The following FTO variants were observed in gnomAD, a reference collection of about 807,000 sequenced individuals.
FTO encodes the protein alpha-ketoglutarate-dependent dioxygenase FTO.
A neutral mutation model predicts 63.9 loss-of-function variants in FTO; 47 were observed. The ratio of observed to expected loss-of-function variants is 0.74; its 90% confidence interval spans 0.58 to 0.94. The LOEUF is 0.94. Among genes scored for constraint, FTO ranks in the 40% least tolerant of loss-of-function variants. FTO has a pLI of 0.00. For missense variants in FTO, 562 were observed against 618.1 expected, an observed-to-expected ratio of 0.91 and a Z score of 0.96; for synonymous variants, 207 against 224.4, an observed-to-expected ratio of 0.92 and a Z score of 0.69.
intron 8 of FTO, among the ~76,000 whole-genome samples, chr16:54,076,004 A>T (rs1324877691): frequency 6.6e-6 from 1 of 152,174 alleles, no homozygotes; most frequent in African/African-American, 2.4e-5. Context: ...CCCCTAGCTC[A>T]GGTGGCTAGC....
intron 8 of FTO, chr16:54,054,709 A>G (rs2085389987): frequency 6.6e-6 from 1 of 152,180 alleles, no homozygotes; most frequent in African/African-American, 2.4e-5. Flanking sequence ...GCCTGAATTA[A>G]GTCTCTGGAA....
At chr16:53,917,822 T>C (rs1265885186) in intron 7 of FTO, among the ~76,000 whole-genome samples, 1 of 152,000 alleles carries the variant, frequency 6.6e-6, no homozygotes, top group East Asian at 1.9e-4. Context: ...GAAGACTCTG[T>C]AGACAGTGGC....
chr16:53,879,156 A>G (rs2080752828), intron 5 of FTO, among the ~76,000 whole-genome samples: 1 of 152,220 alleles, frequency 6.6e-6, no homozygotes, highest in East Asian at 1.9e-4. Context: ...TCATCCAATA[A>G]TTATTTATTA....
intron 8 of FTO, among the ~76,000 whole-genome samples, chr16:54,000,134 C>A (rs900642365): frequency 1.3e-5 from 2 of 152,188 alleles, no homozygotes; most frequent in African/African-American, 2.4e-5. Flanking sequence ...GCCTCTACAG[C>A]TGATTTTTTA....
At chr16:53,931,867 A>G (rs1374287375) in intron 7 of FTO, among the ~76,000 whole-genome samples, 3 of 119,758 alleles carry the variant, frequency 2.5e-5, no homozygotes, top group Non-Finnish European at 5.1e-5. Context: ...CAGTTTTTAC[A>G]TTAAACACAC....
intron 1 of FTO, among the ~76,000 whole-genome samples, chr16:53,775,919 A>T (rs1003722998): frequency 2.4e-4 from 37 of 152,142 alleles, no homozygotes; most frequent in Admixed American, 7.9e-4. Context: ...TTTTATGACT[A>T]TATACTCTCC....
intron 8 of FTO, among the ~76,000 whole-genome samples, chr16:53,986,775 G>A (rs2083678251): frequency 1.3e-5 from 2 of 152,168 alleles, no homozygotes; most frequent in African/African-American, 4.8e-5. Context: ...GAGCTGAGCT[G>A]TGTCTTTAGG....
chr16:53,914,322 A>G (rs2081803274), intron 7 of FTO, among the ~76,000 whole-genome samples: 1 of 150,296 alleles, frequency 6.7e-6, no homozygotes, highest in Admixed American at 6.6e-5. Context: ...TCTTTCACAC[A>G]TTGGAAATAA....
chr16:53,810,118 T>C, intron 1 of FTO, 22 bp from the exon 2 acceptor site: 1 of 1,542,280 alleles, frequency 6.5e-7, no homozygotes, highest in Non-Finnish European at 9.0e-7. Flanking sequence ...TTCACTTATA[T>C]GTAATTATTA....
At chr16:53,861,521 TTTC>T (rs1300579857) in intron 4 of FTO, among the ~76,000 whole-genome samples, 1 of 152,196 alleles carries the variant, frequency 6.6e-6, no homozygotes, top group African/African-American at 2.4e-5. Context: ...TGTTAGTGTT[TTTC>T]TTAACATTTA....
chr16:53,810,232 T>G lies in FTO; in HGVS notation c.123+15T>G. ...TCTATCAGCAGGTAAGGTATTTTAA[T>G]ATTTTTATCAGTTTCAGTGATGTGT... On this transcript the variant is annotated intron_variant, in intron 2 of 8. Coordinates refer to ENST00000471389, the MANE Select transcript of FTO (RefSeq NM_001080432.3). 6.4e-7 allele frequency: 1 copy of G among 1,550,706 alleles called. No individual in the cohort carries two copies. Among genetic ancestry groups the G allele is most frequent in the East Asian group, 2.2e-5 (1 of 44,552 alleles).
At chr16:53,936,484 A>G (rs2082393003) in intron 8 of FTO, among the ~76,000 whole-genome samples, 1 of 152,194 alleles carries the variant, frequency 6.6e-6, no homozygotes. Flanking sequence ...TCCTCATCAA[A>G]GTGTCATCTG....
At chr16:53,922,486 A>G (rs1005101111) in intron 7 of FTO, among the ~76,000 whole-genome samples, 1 of 152,250 alleles carries the variant, frequency 6.6e-6, no homozygotes, top group Non-Finnish European at 1.5e-5. Context: ...AAAATGTCAT[A>G]TAAGTATTTT....
At chr16:53,848,611 T>C (rs141050585) in intron 4 of FTO, among the ~76,000 whole-genome samples, 1 of 152,242 alleles carries the variant, frequency 6.6e-6, no homozygotes, top group Non-Finnish European at 1.5e-5. Flanking sequence ...AAAAATACAC[T>C]CTGGTCTTTC....
rs373996982 is a variant in FTO at position 54,109,698 on chromosome 16, A to G, written c.1365-2064A>G. ...GTGAAACAGCTTCGCCCAAAAGAAA[A>G]GCCATTGGGATTGGGAAGCTTGTAC... On this transcript the variant is annotated intron_variant, in intron 8 of 8. Coordinates refer to ENST00000471389, the MANE Select transcript of FTO (RefSeq NM_001080432.3). Among the ~76,000 whole-genome samples the G allele has an allele frequency of 7.2e-5, 11 of 152,318 alleles. No homozygotes were observed. In the East Asian group the frequency reaches 2.1e-3, roughly 29 times the overall value.
At chr16:53,955,188 G>GA (rs1271270935) in intron 8 of FTO, among the ~76,000 whole-genome samples, 4 of 152,022 alleles carry the variant, frequency 2.6e-5, no homozygotes, top group Non-Finnish European at 1.5e-5. Context: ...GGATGGTTAA[G>GA]AAAAAAACCA....
intron 6 of FTO, among the ~76,000 whole-genome samples, chr16:53,884,206 A>G (rs923113363): frequency 2.0e-5 from 3 of 152,296 alleles, no homozygotes; most frequent in African/African-American, 7.2e-5. Flanking sequence ...CCAATTTAAG[A>G]TGCTTAGGAA....
chr16:54,034,487 T>G (rs2084900268), intron 8 of FTO, among the ~76,000 whole-genome samples: 1 of 152,210 alleles, frequency 6.6e-6, no homozygotes. Context: ...AAATAATCAT[T>G]TCCAGTTCTG....
chr16:54,119,962 T>G lies in FTO; in HGVS notation c.*8047T>G, dbSNP rs1192585276. On this transcript the variant is annotated 3_prime_UTR_variant, in exon 9 of 9. Transcript: ENST00000471389. ...CAGACCCTGTTCGATTTCCCAAGAT[T>G]TAGACTGGGTCGGGTTGTTATTTCT... 1 of 152,266 alleles carries G rather than the reference T, an allele frequency of 6.6e-6. No homozygotes were observed. Among genetic ancestry groups the G allele is most frequent in the East Asian group, 1.9e-4 (1 of 5,198 alleles). 9.4% of individuals were successfully genotyped at this position (152,266 alleles called of 1,614,324 possible).
Sources: allele counts gnomAD v4.1 joint callset (sites outside exome capture counted in the v4.1 genomes callset), GRCh38; gene constraint gnomAD v4.1.1; transcripts MANE v1.5; gene names NCBI Gene and HGNC (gene_info 2026-07-23, HGNC 2026-07-21).